GSKIP: variants seen among roughly 807,000 people sequenced by gnomAD.
The protein encoded by GSKIP is GSK3B interacting protein.
Under a neutral mutation model 11.9 loss-of-function variants are expected in GSKIP, and 5 were observed. That is an observed-to-expected ratio of 0.42 (90% confidence interval 0.22 to 0.89). The LOEUF is 0.89. Ranked by LOEUF, GSKIP falls within the 40% of genes least tolerant of loss-of-function variation. The pLI is 0.29. For synonymous variants in GSKIP, 70 were observed against 62.9 expected (o/e 1.11, Z -0.54); for missense variants, 150 against 166.6 (o/e 0.90, Z 0.55).
intron 1 of GSKIP, 119 bp from the exon 2 acceptor site, chr14:96,379,569 C>T (rs1889291824): frequency 6.6e-6 from 1 of 152,136 alleles, no homozygotes; most frequent in Non-Finnish European, 1.5e-5. Flanking sequence ...ATGTAATGCT[C>T]CATTACTTTA....
intron 2 of GSKIP, among the ~76,000 whole-genome samples, chr14:96,380,666 T>G (rs1042979705): frequency 6.6e-6 from 1 of 152,182 alleles, no homozygotes; most frequent in African/African-American, 2.4e-5. Flanking sequence ...CAGATCGGTG[T>G]CCATATTGTC....
chr14:96,385,595 T>G lies in GSKIP; in HGVS notation c.331T>G (p.Leu111Val). ...TPYHETVYSL[L>V]DTLSPAYREA... ...CTACCATGAAACAGTCTACTCCTTG[T>G]TGGATACACTCAGCCCCGCCTACCG... The change falls in exon 4 of 4, where the codon TTG becomes GTG. Residue 111 changes from leucine to valine, a missense_variant. Leu to Val is a conservative substitution (Grantham distance 32). Transcript: ENST00000555181. The G allele has an allele frequency of 8.1e-6, 13 of 1,613,416 alleles. No individual in the cohort carries two copies. The highest frequency in any genetic ancestry group is 1.0e-5 in the Non-Finnish European group (12 of 1,179,492).
rs1211502462 is a variant in GSKIP, at chr14:96,387,099, A to C, written c.*1415A>C. On this transcript the variant is annotated 3_prime_UTR_variant, in exon 4 of 4. Coordinates refer to ENST00000555181, the MANE Select transcript of GSKIP (RefSeq NM_016472.5). Reference sequence around the variant, plus strand: ...TATGTTCATTCTCAGCTTTATTTTCAGATGCTTAACTGGGCAACGAAGTCT... The same window carrying C: ...TATGTTCATTCTCAGCTTTATTTTCCGATGCTTAACTGGGCAACGAAGTCT... The C allele has an allele frequency of 6.6e-6, 1 of 152,198 alleles. No individual in the cohort carries two copies. Among genetic ancestry groups the C allele is most frequent in the Non-Finnish European group, 1.5e-5 (1 of 68,030 alleles). 9.4% of individuals were successfully genotyped at this position (152,198 alleles called of 1,614,324 possible).
At chr14:96,366,059 A>T (rs1396723707) in intron 1 of GSKIP, among the ~76,000 whole-genome samples, 2 of 152,070 alleles carry the variant, frequency 1.3e-5, no homozygotes, top group Non-Finnish European at 2.9e-5. Context: ...AGCGGTGAAA[A>T]TGATTAGTTA....
chr14:96,380,531 T>C (rs1261154886), intron 2 of GSKIP, among the ~76,000 whole-genome samples: 1 of 152,218 alleles, frequency 6.6e-6, no homozygotes, highest in African/African-American at 2.4e-5. Context: ...TCTGTAATTT[T>C]ATAAGCTCTT....
At chr14:96,370,253 T>C (rs1889007797) in intron 1 of GSKIP, among the ~76,000 whole-genome samples, 1 of 152,192 alleles carries the variant, frequency 6.6e-6, no homozygotes, top group Non-Finnish European at 1.5e-5. Flanking sequence ...GAACTTGCCT[T>C]GAGTCTCATA....
At chr14:96,384,203 C>G (rs572570833) in intron 3 of GSKIP, among the ~76,000 whole-genome samples, 2 of 152,238 alleles carry the variant, frequency 1.3e-5, no homozygotes, top group South Asian at 4.1e-4. Flanking sequence ...GAGCAACTAT[C>G]CTGTGTCAGC....
intron 3 of GSKIP, among the ~76,000 whole-genome samples, chr14:96,382,880 G>A (rs956297701): frequency 7.2e-5 from 11 of 152,040 alleles, no homozygotes; most frequent in Non-Finnish European, 1.2e-4. Flanking sequence ...TGAAAATGTC[G>A]CTTCTGTTAA....
At chr14:96,379,587 T>C (rs1889292506) in intron 1 of GSKIP, 101 bp from the exon 2 acceptor site, 1 of 152,382 alleles carries the variant, frequency 6.6e-6, no homozygotes, top group Non-Finnish European at 1.5e-5. Flanking sequence ...TTAATTTATA[T>C]GTATCATCAA....
At chr14:96,375,739 T>A (rs1182729223) in intron 1 of GSKIP, among the ~76,000 whole-genome samples, 2 of 152,200 alleles carry the variant, frequency 1.3e-5, no homozygotes, top group Non-Finnish European at 2.9e-5. Flanking sequence ...GCTTGAAATT[T>A]ATTTCTTATA....
At chr14:96,368,960 T>C (rs886380061) in intron 1 of GSKIP, among the ~76,000 whole-genome samples, 2 of 152,202 alleles carry the variant, frequency 1.3e-5, no homozygotes, top group African/African-American at 4.8e-5. Context: ...GATGAAAGAA[T>C]GTTTGGAACT....
rs544723085 is a variant in GSKIP at position 96,385,925 on chromosome 14, T to C, written c.*241T>C. ...ATTAAGACATTCACATGTCTTCATA[T>C]AATATCTCTTCATTTCAAATCCTAA... On this transcript the variant is annotated 3_prime_UTR_variant, in exon 4 of 4. Coordinates refer to ENST00000555181, the MANE Select transcript of GSKIP (RefSeq NM_016472.5). 13 of 398,068 alleles carry C rather than the reference T, an allele frequency of 3.3e-5. No homozygotes were observed. The East Asian group carries it at 6.0e-4, about 18-fold the overall frequency. The allele number at this position is 398,068 out of a possible 1,614,324, so 24.7% of individuals were successfully genotyped here.
At chr14:96,378,448 G>A (rs1889259886) in intron 1 of GSKIP, among the ~76,000 whole-genome samples, 1 of 152,198 alleles carries the variant, frequency 6.6e-6, no homozygotes, top group African/African-American at 2.4e-5. Context: ...GCCTCTAGAA[G>A]TGAGAAAAGG....
Position 96,382,380 on chromosome 14 carries a change from C to G in GSKIP, c.133C>G (p.Leu45Val), listed in dbSNP as rs755542637. 51 of 1,613,838 alleles carry G rather than the reference C, an allele frequency of 3.2e-5. No individual in the cohort carries two copies. The highest frequency in any genetic ancestry group is 3.9e-5 in the Non-Finnish European group (46 of 1,179,904). ...LEAEAVVNDV[L>V]FAVNNMFVSK... The stretch of plus-strand genomic sequence containing the variant: ...AGCTGAAGCAGTTGTAAATGATGTT[C>G]TCTTTGCTGTTAACAACATGTTTGT... The change falls in exon 3 of 4, where the codon CTC (leucine) becomes GTC (valine). Residue 45 changes from leucine (L) to valine (V), a missense_variant. Coordinates refer to ENST00000555181, the MANE Select transcript of GSKIP (RefSeq NM_016472.5).
Position 96,386,519 on chromosome 14 carries a change from G to A in GSKIP, c.*835G>A, listed in dbSNP as rs1889494436. The A allele has an allele frequency of 6.6e-6, 1 of 152,600 alleles. No homozygotes were observed. 9.5% of individuals were successfully genotyped at this position (152,600 alleles called of 1,614,324 possible). A position where few individuals can be genotyped will look rare whatever the true frequency, so the allele number is the denominator to read the frequency against. On this transcript the variant is annotated 3_prime_UTR_variant, in exon 4 of 4. Coordinates refer to ENST00000555181, the MANE Select transcript of GSKIP (RefSeq NM_016472.5). ...GCCTGTGTTGATTCTTATTCTGAAT[G>A]TGTGTTTACATAATGTACAGTATAT... is the stretch of plus-strand genomic sequence containing the variant.
At chr14:96,365,739 C>T (rs958150426) in intron 1 of GSKIP, among the ~76,000 whole-genome samples, 4 of 151,900 alleles carry the variant, frequency 2.6e-5, no homozygotes, top group Non-Finnish European at 5.9e-5. Flanking sequence ...GAGGCTGAGG[C>T]AGGAGAATTG....
At chr14:96,371,646 C>G (rs1449362975) in intron 1 of GSKIP, among the ~76,000 whole-genome samples, 1 of 152,054 alleles carries the variant, frequency 6.6e-6, no homozygotes, top group Admixed American at 6.5e-5. Context: ...GGGGTTTCGC[C>G]ATGTTGGCCA....
At position 96,382,324 on chromosome 14, in the gene GSKIP, A is replaced by G; in HGVS notation, c.77A>G (p.Glu26Gly). 1.2e-6 allele frequency: 2 copies of G among 1,613,664 alleles called. No individual in the cohort carries two copies. The highest frequency in any genetic ancestry group is 1.7e-6 in the Non-Finnish European group (2 of 1,179,706). Residue 26 changes from glutamate (E) to glycine (G), a missense_variant, in exon 3 of 4, where the codon GAA (glutamate) becomes GGA (glycine). Physicochemically the swap from Glu to Gly is moderately conservative, Grantham distance 98 (BLOSUM62 -2). Transcript: ENST00000555181. ...FEEGSELNGFEGTDMKDMRLE... is the reference protein window; with the variant it reads ...FEEGSELNGFGGTDMKDMRLE... The stretch of plus-strand genomic sequence containing the variant: ...GAAGGTTCAGAGCTGAACGGTTTTG[A>G]AGGAACTGACATGAAAGACATGAGG...
chr14:96,370,856 C>T (rs1473742474), intron 1 of GSKIP, among the ~76,000 whole-genome samples: 2 of 152,102 alleles, frequency 1.3e-5, no homozygotes. Flanking sequence ...TACAGCAATA[C>T]ATAGAGACTA....
Sources: gnomAD v4.1 joint callset for allele counts (sites outside exome capture counted in the v4.1 genomes callset) on GRCh38, gnomAD v4.1.1 for gene constraint, MANE v1.5 for transcripts, NCBI Gene and HGNC (gene_info 2026-07-23, HGNC 2026-07-21) for gene names.